ZRANB3: variants seen among roughly 807,000 people sequenced by gnomAD.
ZRANB3 encodes the protein DNA annealing helicase and endonuclease ZRANB3.
In ZRANB3, 125 loss-of-function variants were observed where a neutral mutation model predicts 133.8. The observed-to-expected ratio is 0.93, with a 90% CI of 0.81 to 1.08. The LOEUF (loss-of-function observed/expected upper bound fraction) is 1.08. Among genes scored for constraint, ZRANB3 ranks in the 50% least tolerant of loss-of-function variants. The probability of loss-of-function intolerance (pLI) is 0.00; values close to 1 mark genes in which losing one functional copy is unlikely to be tolerated. For synonymous variants in ZRANB3, 387 were observed against 432.7 expected, an observed-to-expected ratio of 0.89 and a Z score of 1.31; for missense variants, 1,229 against 1,275.5, an observed-to-expected ratio of 0.96 and a Z score of 0.56.
At chr2:135,510,607 TGAG>T in intron 1 of ZRANB3, 2 of 752,018 alleles carry the variant, frequency 2.7e-6, no homozygotes, top group East Asian at 5.1e-5. Context: ...CATGCCTCCA[TGAG>T]GAGGGCCTCT....
intron 6 of ZRANB3, among the ~76,000 whole-genome samples, chr2:135,334,618 A>T (rs1196982663): frequency 6.6e-6 from 1 of 152,106 alleles, no homozygotes; most frequent in Non-Finnish European, 1.5e-5. Flanking sequence ...AATTTAGGCC[A>T]GTCGCGGTAG....
rs112942359 is a variant in ZRANB3, at chr2:135,453,865, G to A, written c.161+50464C>T. ...TTCCAAAGTCACTTCCACATTTTTGGGTATCTTTTCAGCAACGCCCAACTC... is the reference window on the plus strand; with the variant it reads ...TTCCAAAGTCACTTCCACATTTTTGAGTATCTTTTCAGCAACGCCCAACTC... On this transcript the variant is annotated intron_variant, in intron 2 of 20. Transcript: ENST00000264159. 3.0e-3 allele frequency among the ~76,000 whole-genome samples: 452 copies of A among 152,144 alleles called. 3 individuals carry two copies. The highest frequency in any genetic ancestry group is 0.01 in the African/African-American group (421 of 41,492).
chr2:135,358,860 T>C (rs913450778), intron 3 of ZRANB3, among the ~76,000 whole-genome samples: 2 of 152,070 alleles, frequency 1.3e-5, no homozygotes, highest in Non-Finnish European at 2.9e-5. Context: ...GTGGGTGCTA[T>C]TTCCTTTGGC....
rs1693917463 is a variant in ZRANB3, at chr2:135,207,429, C to T, written c.3009+5G>A. 2 of 1,597,966 alleles carry T rather than the reference C, an allele frequency of 1.3e-6. No individual in the cohort carries two copies. Among genetic ancestry groups the T allele is most frequent in the South Asian group, 2.3e-5 (2 of 88,152 alleles). Reference sequence around the variant, plus strand: ...CCTTCTATCTATCACATGATTATAACTTACCTGTTCTAATGGGAGCTTTGA... The same window carrying T: ...CCTTCTATCTATCACATGATTATAATTTACCTGTTCTAATGGGAGCTTTGA... On this transcript the variant is annotated splice_donor_5th_base_variant and intron_variant, in intron 19 of 20. Transcript: ENST00000264159.
Position 135,528,541 on chromosome 2 carries a change from A to G in ZRANB3, c.-8+2586T>C, listed in dbSNP as rs578050156. ...AGTTTGTCATAAGGAAAATGTACTT[A>G]TCACACATAACATCATTTCTGGCTC... On this transcript the variant is annotated intron_variant, in intron 1 of 20. Transcript: ENST00000264159. 1.4e-4 allele frequency among the ~76,000 whole-genome samples: 22 copies of G among 152,342 alleles called. No homozygotes were observed. In the South Asian group the frequency reaches 3.9e-3, roughly 27 times the overall value.
intron 2 of ZRANB3, among the ~76,000 whole-genome samples, chr2:135,426,322 C>T (rs981347492): frequency 6.6e-6 from 1 of 152,084 alleles, no homozygotes; most frequent in African/African-American, 2.4e-5. Flanking sequence ...GGACTCCTCC[C>T]TAACTCATTC....
intron 9 of ZRANB3, among the ~76,000 whole-genome samples, chr2:135,272,104 G>A (rs1680545385): frequency 6.6e-6 from 1 of 152,084 alleles, no homozygotes; most frequent in Non-Finnish European, 1.5e-5. Context: ...CTACTTGAGG[G>A]TAGAGTCTAT....
intron 4 of ZRANB3, among the ~76,000 whole-genome samples, chr2:135,352,563 C>T (rs2104876111): frequency 6.6e-6 from 1 of 152,156 alleles, no homozygotes; most frequent in East Asian, 1.9e-4. Context: ...AAGATACATG[C>T]TACTGAATTA....
At chr2:135,480,497 A>T (rs892092323) in intron 2 of ZRANB3, among the ~76,000 whole-genome samples, 3 of 152,172 alleles carry the variant, frequency 2.0e-5, no homozygotes, top group African/African-American at 7.2e-5. Flanking sequence ...AAACAAAACA[A>T]TGAAAGAAAT....
chr2:135,222,129 G>A (rs905318758), intron 15 of ZRANB3, among the ~76,000 whole-genome samples: 1 of 152,018 alleles, frequency 6.6e-6, no homozygotes, highest in African/African-American at 2.4e-5. Context: ...TTTAGGCTGG[G>A]CGTGGTGGCT....
intron 2 of ZRANB3, among the ~76,000 whole-genome samples, chr2:135,448,590 C>A (rs1374376081): frequency 1.3e-5 from 2 of 152,030 alleles, no homozygotes; most frequent in African/African-American, 4.8e-5. Flanking sequence ...TATGAGTGGG[C>A]AAATTATTCA....
chr2:135,390,030 G>GC (rs1156694294), intron 3 of ZRANB3, among the ~76,000 whole-genome samples: 1 of 151,398 alleles, frequency 6.6e-6, no homozygotes, highest in Non-Finnish European at 1.5e-5. Flanking sequence ...ACAGATGCCT[G>GC]CCACCACGCC....
intron 19 of ZRANB3, among the ~76,000 whole-genome samples, chr2:135,204,793 T>C (rs942129525): frequency 7.1e-6 from 1 of 139,940 alleles, no homozygotes; most frequent in Non-Finnish European, 1.5e-5. Flanking sequence ...ATATACATTA[T>C]ATATACATAT....
intron 8 of ZRANB3, among the ~76,000 whole-genome samples, chr2:135,306,996 C>T (rs1473233173): frequency 6.6e-6 from 1 of 151,816 alleles, no homozygotes; most frequent in African/African-American, 2.4e-5. Context: ...AAACTGCTGG[C>T]ATTACAGGCA....
intron 12 of ZRANB3, among the ~76,000 whole-genome samples, chr2:135,261,094 T>A (rs552173913): frequency 6.6e-6 from 1 of 151,450 alleles, no homozygotes; most frequent in East Asian, 1.9e-4. Flanking sequence ...GTCAAAGAAG[T>A]TTTTGATGTC....
rs777474424 is a variant in ZRANB3 at position 135,265,534 on chromosome 2, G to C, written c.1539C>G (p.His513Gln). The change falls in exon 12 of 21, where the codon CAC becomes CAG. Residue 513 changes from histidine to glutamine, a missense_variant and splice_region_variant. Coordinates refer to ENST00000264159, the MANE Select transcript of ZRANB3 (RefSeq NM_032143.4). ...EELRKEALFT[H>Q]FEKEKQHDIR... is the part of the protein sequence containing the mutation. ...AAAAGAGTAAGGCATATAATCTTAC[G>C]TGAGTGAACAAAGCTTCCTTCCTTA... 6.2e-7 allele frequency: 1 copy of C among 1,611,268 alleles called. No individual in the cohort carries two copies. Among genetic ancestry groups the C allele is most frequent in the Admixed American group, 1.7e-5 (1 of 59,612 alleles).
chr2:135,200,425 C>A lies in ZRANB3; in HGVS notation c.3157G>T (p.Ala1053Ser). ...CTTCTCACCTGGCTTCTTTCCTTAG[C>A]TTGTCTGGCAGTTCTCTAAAAGTTA... is the stretch of plus-strand genomic sequence containing the variant. ...VCHKERTARQ[A>S]KERSQVRRQS... Residue 1053 changes from alanine (A) to serine (S), a missense_variant, in exon 21 of 21, where the codon GCT becomes TCT. Physicochemically the swap from Ala to Ser is moderately conservative, Grantham distance 99 (BLOSUM62 1). Transcript: ENST00000264159. 1.2e-6 allele frequency: 2 copies of A among 1,604,106 alleles called. No individual in the cohort carries two copies. Among genetic ancestry groups the A allele is most frequent in the East Asian group, 4.5e-5 (2 of 44,748 alleles).
chr2:135,462,911 A>G (rs1266178677), intron 2 of ZRANB3, among the ~76,000 whole-genome samples: 1 of 151,994 alleles, frequency 6.6e-6, no homozygotes, highest in African/African-American at 2.4e-5. Flanking sequence ...TTTTTATTCT[A>G]TTATTGTCTT....
At chr2:135,306,955 G>A (rs773069465) in intron 8 of ZRANB3, among the ~76,000 whole-genome samples, 1 of 151,674 alleles carries the variant, frequency 6.6e-6, no homozygotes, top group Non-Finnish European at 1.5e-5. Context: ...CTAACTCCTG[G>A]CCTCAAGTAA....
Sources: gnomAD v4.1 joint callset for allele counts (sites outside exome capture counted in the v4.1 genomes callset) on GRCh38, gnomAD v4.1.1 for gene constraint, MANE v1.5 for transcripts, NCBI Gene and HGNC (gene_info 2026-07-23, HGNC 2026-07-21) for gene names.